The following IL1RAPL1 variants were observed in gnomAD, a reference collection of about 807,000 sequenced individuals.
IL1RAPL1 encodes the protein interleukin 1 receptor accessory protein like 1.
In IL1RAPL1, 3 loss-of-function variants were observed where a neutral mutation model predicts 48.4. The ratio of observed to expected loss-of-function variants is 0.06; its 90% CI spans 0.03 to 0.16. The LOEUF (loss-of-function observed/expected upper bound fraction) is 0.16, where lower values mean the gene tolerates loss of function less well. Ranked by LOEUF, IL1RAPL1 falls within the 10% of genes least tolerant of loss-of-function variation. The pLI is 1.00. For synonymous variants in IL1RAPL1, 185 were observed against 187.7 expected (o/e 0.99, Z 0.12); for missense variants, 349 against 530.6 (o/e 0.66, Z 3.36).
At chrX:28,688,631 G>C (rs183076150) in intron 1 of IL1RAPL1, among the ~76,000 whole-genome samples, 37 of 111,750 alleles carry the variant, frequency 3.3e-4, no homozygotes, top group Non-Finnish European at 5.8e-4. Flanking sequence ...GTTTAGAGGG[G>C]CTCTGGGGCT....
chrX:29,902,126 G>T (rs1248546949), intron 6 of IL1RAPL1, among the ~76,000 whole-genome samples: 1 of 109,829 alleles, frequency 9.1e-6, no homozygotes, highest in Non-Finnish European at 1.9e-5. Flanking sequence ...CAATTTCCTG[G>T]CAGGTGAGTA....
At chrX:29,624,165 T>C in intron 5 of IL1RAPL1, among the ~76,000 whole-genome samples, 1 of 112,220 alleles carries the variant, frequency 8.9e-6, no homozygotes, top group Non-Finnish European at 1.9e-5. Context: ...AAATAACTTC[T>C]TAAACATTTT....
chrX:29,938,774 G>A (rs1182635259), intron 8 of IL1RAPL1, among the ~76,000 whole-genome samples: 1 of 111,678 alleles, frequency 9.0e-6, no homozygotes, highest in Non-Finnish European at 1.9e-5. Flanking sequence ...TCTATTTTCT[G>A]ATTTATGTCA....
chrX:29,025,973 G>C (rs1926477086), intron 2 of IL1RAPL1, among the ~76,000 whole-genome samples: 1 of 111,649 alleles, frequency 9.0e-6, no homozygotes, highest in Non-Finnish European at 1.9e-5. Flanking sequence ...AAAGTACAGT[G>C]TTTGCTCTAC....
intron 6 of IL1RAPL1, among the ~76,000 whole-genome samples, chrX:29,761,767 A>G (rs947787318): frequency 9.1e-6 from 1 of 109,670 alleles, no homozygotes; most frequent in Admixed American, 9.9e-5. Context: ...GATGCACATC[A>G]TTTTCCCACA....
At chrX:29,443,226 C>T (rs1470989714) in intron 5 of IL1RAPL1, among the ~76,000 whole-genome samples, 1 of 90,710 alleles carries the variant, frequency 1.1e-5, no homozygotes, top group Non-Finnish European at 2.1e-5. Flanking sequence ...TGTGTGCTCT[C>T]GCTTGCTCTC....
chrX:29,716,966 A>G (rs1236038186), intron 6 of IL1RAPL1, among the ~76,000 whole-genome samples: 1 of 111,318 alleles, frequency 9.0e-6, no homozygotes, highest in East Asian at 2.8e-4. Flanking sequence ...TCAATATTCA[A>G]TATTTTCCAT....
At chrX:29,638,389 G>A (rs1156822182) in intron 5 of IL1RAPL1, among the ~76,000 whole-genome samples, 1 of 109,261 alleles carries the variant, frequency 9.2e-6, no homozygotes, top group Non-Finnish European at 1.9e-5. Flanking sequence ...TCCTGCCTCA[G>A]CAATTAACAT....
At chrX:29,603,265 CAA>C (rs36018587) in intron 5 of IL1RAPL1, among the ~76,000 whole-genome samples, 287 of 62,844 alleles carry the variant, frequency 4.6e-3, no homozygotes, top group African/African-American at 0.013. Context: ...GACTCTATCT[CAA>C]AAAAAAAAAA....
At chrX:28,829,681 T>C (rs2147285449) in intron 2 of IL1RAPL1, among the ~76,000 whole-genome samples, 1 of 106,529 alleles carries the variant, frequency 9.4e-6, no homozygotes, top group Non-Finnish European at 1.9e-5. Flanking sequence ...TACCTCAGCC[T>C]CCGGAGTAGC....
intron 7 of IL1RAPL1, among the ~76,000 whole-genome samples, chrX:29,918,144 A>AAATATATATATAT (rs1555935868): frequency 4.2e-5 from 1 of 23,759 alleles, no homozygotes; most frequent in Non-Finnish European, 6.6e-5. Context: ...AAAAAAAAAA[A>AAATATATATATAT]ATATATATAT....
At chrX:29,619,761 A>G (rs1251379537) in intron 5 of IL1RAPL1, among the ~76,000 whole-genome samples, 2 of 112,062 alleles carry the variant, frequency 1.8e-5, no homozygotes, top group Non-Finnish European at 3.8e-5. Context: ...TGATCATAAT[A>G]AAATTTTAAA....
intron 2 of IL1RAPL1, among the ~76,000 whole-genome samples, chrX:29,001,897 CTTT>C (rs758737454): frequency 7.8e-5 from 7 of 90,131 alleles, no homozygotes; most frequent in Admixed American, 1.2e-4. Context: ...CAATGAAGAA[CTTT>C]TTTTTTTTTT....
intron 5 of IL1RAPL1, among the ~76,000 whole-genome samples, chrX:29,530,694 C>A (rs1229517621): frequency 2.7e-5 from 3 of 111,726 alleles, no homozygotes; most frequent in Non-Finnish European, 1.9e-5. Flanking sequence ...TGAGGGTATA[C>A]TGGTAAGTGT....
chrX:29,931,869 A>C (rs1194307822), intron 8 of IL1RAPL1, among the ~76,000 whole-genome samples: 1 of 112,292 alleles, frequency 8.9e-6, no homozygotes, highest in African/African-American at 3.2e-5. Context: ...TCACTCTGAC[A>C]GTTTTCTCTC....
At chrX:29,855,351 C>T (rs778269952) in intron 6 of IL1RAPL1, among the ~76,000 whole-genome samples, 86 of 112,166 alleles carry the variant, frequency 7.7e-4, no homozygotes, top group Admixed American at 1.7e-3. Context: ...CGCTCATATG[C>T]GCATGCGTGC....
intron 6 of IL1RAPL1, among the ~76,000 whole-genome samples, chrX:29,840,240 G>T (rs746062663): frequency 6.3e-5 from 7 of 111,617 alleles, no homozygotes; most frequent in Non-Finnish European, 1.3e-4. Flanking sequence ...TGATATTAAC[G>T]GACGGATGTT....
chrX:29,175,339 G>A (rs945734971), intron 2 of IL1RAPL1, among the ~76,000 whole-genome samples: 4 of 111,631 alleles, frequency 3.6e-5, no homozygotes, highest in Non-Finnish European at 1.9e-5. Context: ...TAAAATATAT[G>A]CTCAAGGGCC....
chrX:29,534,785 G>A (rs1414000399), intron 5 of IL1RAPL1, among the ~76,000 whole-genome samples: 11 of 110,118 alleles, frequency 1.0e-4, no homozygotes, highest in African/African-American at 3.0e-4. Context: ...TGGCTAACAC[G>A]GTGAAACCCC....
Sources: allele counts gnomAD v4.1 joint callset (sites outside exome capture counted in the v4.1 genomes callset), GRCh38; gene constraint gnomAD v4.1.1; transcripts MANE v1.5; gene names NCBI Gene and HGNC (gene_info 2026-07-23, HGNC 2026-07-21).